The following NSL1 variants were observed in gnomAD, a reference collection of about 807,000 sequenced individuals.
NSL1 encodes NSL1 component of MIS12 kinetochore complex, also known as kinetochore-associated protein NSL1 homolog.
A neutral mutation model predicts 25.4 loss-of-function variants in NSL1; 11 were observed. The observed-to-expected ratio is 0.43, with a 90% CI of 0.27 to 0.72. The LOEUF (loss-of-function observed/expected upper bound fraction) is 0.72, where lower values mean the gene tolerates loss of function less well. NSL1 is among the 30% of genes least tolerant of loss of function. The pLI is 0.19. For synonymous variants in NSL1, 118 were observed against 120.6 expected, an observed-to-expected ratio of 0.98 and a Z score of 0.14; for missense variants, 330 against 342.7, an observed-to-expected ratio of 0.96 and a Z score of 0.29.
At position 212,737,341 on chromosome 1, in the gene NSL1, A is replaced by C. The variant is rs1658269963; in HGVS notation, c.*1067T>G. The C allele has an allele frequency of 2.0e-6, 2 of 984,856 alleles. No homozygotes were observed. The highest frequency in any genetic ancestry group is 2.4e-6 in the Non-Finnish European group (2 of 829,498). The allele number at this position is 984,856 out of a possible 1,614,324, so 61.0% of individuals were successfully genotyped here. On this transcript the variant is annotated 3_prime_UTR_variant, in exon 6 of 6. Transcript: ENST00000366977. ...ACATTTATGATTATTAATACATAATAAGCAAGAGAAATACAGATTTTCCAA... is the reference window on the plus strand; with the variant it reads ...ACATTTATGATTATTAATACATAATCAGCAAGAGAAATACAGATTTTCCAA...
chr1:212,741,233 T>C (rs901052520), intron 4 of NSL1, among the ~76,000 whole-genome samples: 2 of 152,204 alleles, frequency 1.3e-5, no homozygotes, highest in African/African-American at 4.8e-5. Context: ...CATCCTTTGG[T>C]CCTCCTGTGG....
intron 4 of NSL1, among the ~76,000 whole-genome samples, chr1:212,764,402 A>G (rs1319492278): frequency 3.9e-5 from 6 of 152,190 alleles, no homozygotes; most frequent in Non-Finnish European, 8.8e-5. Flanking sequence ...AACCCAGGAG[A>G]AGAAGTAACA....
intron 4 of NSL1, among the ~76,000 whole-genome samples, chr1:212,773,732 A>G (rs7514070): frequency 0.66 from 100,204 of 152,030 alleles, 33,409 homozygotes; most frequent in Non-Finnish European, 0.69. Context: ...GGCAATATCC[A>G]CATCCCCATT....
rs1243447962 is a variant in NSL1, at chr1:212,736,128, C to A, written c.*2280G>T. On this transcript the variant is annotated 3_prime_UTR_variant, in exon 6 of 6. Coordinates refer to ENST00000366977, the MANE Select transcript of NSL1 (RefSeq NM_015471.4). ...TCCTGGCTCACTGCAACTTCTGCCTCCAGGGCTCAAGTGATCCTCTCATTT... is the reference window on the plus strand; with the variant it reads ...TCCTGGCTCACTGCAACTTCTGCCTACAGGGCTCAAGTGATCCTCTCATTT... 1.2e-5 allele frequency: 10 copies of A among 862,872 alleles called. No individual in the cohort carries two copies. The highest frequency in any genetic ancestry group is 1.8e-5 in the African/African-American group (1 of 54,828). The allele number at this position is 862,872 out of a possible 1,614,324, so 53.5% of individuals were successfully genotyped here. A position where few individuals can be genotyped will look rare whatever the true frequency, so the allele number is the denominator to read the frequency against.
rs754168776 is a variant in NSL1 at position 212,782,415 on chromosome 1, G to GTGGT, written c.452_455dup (p.His152GlnfsTer13). On this transcript the variant is annotated frameshift_variant, in exon 4 of 6. Transcript: ENST00000366977. LOFTEE classifies it high-confidence loss of function. ...TTAGGTCCAGTGGATGTACAACAGG[G>GTGGT]TGGTACTGCTTCTAAACATAACATA... is the stretch of plus-strand genomic sequence containing the variant. The GTGGT allele has an allele frequency of 6.2e-7, 1 of 1,608,438 alleles. No homozygotes were observed. The highest frequency in any genetic ancestry group is 8.5e-7 in the Non-Finnish European group (1 of 1,174,888).
Position 212,738,231 on chromosome 1 carries a change from G to T in NSL1, c.*177C>A, listed in dbSNP as rs1309955006. On this transcript the variant is annotated 3_prime_UTR_variant, in exon 6 of 6. Transcript: ENST00000366977. The stretch of plus-strand genomic sequence containing the variant: ...CTTTTTATTTACAATAGATAAAACA[G>T]TAAGGAAATACAATATTATATCATA... The T allele has an allele frequency of 1.1e-5, 15 of 1,359,840 alleles. No individual in the cohort carries two copies. Among genetic ancestry groups the T allele is most frequent in the Non-Finnish European group, 1.3e-5 (14 of 1,058,362 alleles). 84.2% of individuals were successfully genotyped at this position (1,359,840 alleles called of 1,614,324 possible).
chr1:212,791,368 G>C (rs562275084), intron 1 of NSL1, among the ~76,000 whole-genome samples, 162 bp downstream of exon 1: 4 of 152,300 alleles, frequency 2.6e-5, no homozygotes, highest in African/African-American at 9.6e-5. Context: ...GCTGACATTA[G>C]CATCTATTTC....
At chr1:212,786,031 TTTCC>T (rs902195216) in intron 2 of NSL1, among the ~76,000 whole-genome samples, 9 of 152,088 alleles carry the variant, frequency 5.9e-5, no homozygotes, top group African/African-American at 1.9e-4. Flanking sequence ...TTTCTCTTTC[TTTCC>T]TTCCTTCTTT....
intron 4 of NSL1, among the ~76,000 whole-genome samples, chr1:212,770,955 T>C (rs1025174340): frequency 1.3e-5 from 2 of 152,130 alleles, no homozygotes; most frequent in African/African-American, 4.8e-5. Context: ...ACAAATATCA[T>C]ACTATCATCT....
chr1:212,727,663 GAACA>G lies in NSL1; in HGVS notation c.*10741_*10744del, dbSNP rs1296540361. The stretch of plus-strand genomic sequence containing the variant: ...CAGAATTTACTATAATTATAATCCT[GAACA>G]ATCAGGACTGTTAGCTTCCCACGAT... On this transcript the variant is annotated 3_prime_UTR_variant, in exon 6 of 6. Transcript: ENST00000366977. The G allele has an allele frequency of 4.1e-6, 4 of 985,142 alleles. No individual in the cohort carries two copies. Among genetic ancestry groups the G allele is most frequent in the Non-Finnish European group, 4.8e-6 (4 of 829,856 alleles). The allele number at this position is 985,142 out of a possible 1,614,324, so 61.0% of individuals were successfully genotyped here.
intron 3 of NSL1, among the ~76,000 whole-genome samples, chr1:212,783,615 C>A (rs1660815701): frequency 6.6e-6 from 1 of 152,172 alleles, no homozygotes; most frequent in Non-Finnish European, 1.5e-5. Context: ...AATCTAAACA[C>A]AACATGTACC....
intron 3 of NSL1, chr1:212,784,157 AGT>A (rs1164057793): frequency 1.6e-5 from 5 of 307,328 alleles, no homozygotes; most frequent in East Asian, 1.6e-4. Flanking sequence ...TTTTTGAACC[AGT>A]GTGTTCAAAA....
At chr1:212,752,042 A>G (rs973375319) in intron 4 of NSL1, among the ~76,000 whole-genome samples, 125 of 152,326 alleles carry the variant, frequency 8.2e-4, no homozygotes, top group African/African-American at 3.0e-3. Context: ...ACCTCGTGAC[A>G]CCACTACTTA....
chr1:212,743,308 G>A (rs942319342), intron 4 of NSL1, among the ~76,000 whole-genome samples: 5 of 152,008 alleles, frequency 3.3e-5, no homozygotes, highest in Non-Finnish European at 7.4e-5. Context: ...GGGACTACAG[G>A]CATGCACCAC....
In NSL1 at chr1:212,728,504, A is replaced by T. The variant is rs1571851462; in HGVS notation, c.*9904T>A. On this transcript the variant is annotated 3_prime_UTR_variant, in exon 6 of 6. Coordinates refer to ENST00000366977, the MANE Select transcript of NSL1 (RefSeq NM_015471.4). ...GAGTAGATGAATTGTGAGCTCATAT[A>T]GCTGGAACAAATCTGACATTGTTGG... 1.0e-6 allele frequency: 1 copy of T among 985,442 alleles called. No homozygotes were observed. Among genetic ancestry groups the T allele is most frequent in the African/African-American group, 1.7e-5 (1 of 57,364 alleles). 61.0% of individuals were successfully genotyped at this position (985,442 alleles called of 1,614,324 possible). A position where few individuals can be genotyped will look rare whatever the true frequency, so the allele number is the denominator to read the frequency against.
At chr1:212,772,462 C>T (rs1432954468) in intron 4 of NSL1, among the ~76,000 whole-genome samples, 1 of 151,876 alleles carries the variant, frequency 6.6e-6, no homozygotes, top group Non-Finnish European at 1.5e-5. Flanking sequence ...GAGTTCAAGA[C>T]CAGCCTACCT....
Position 212,791,556 on chromosome 1 carries a change from C to G in NSL1, c.208G>C (p.Glu70Gln), listed in dbSNP as rs1371774514. Residue 70 changes from glutamate to glutamine, a missense_variant, in exon 1 of 6, where the codon GAG (glutamate) becomes CAG (glutamine). Glu to Gln is a conservative substitution (Grantham distance 29). Coordinates refer to ENST00000366977, the MANE Select transcript of NSL1 (RefSeq NM_015471.4). ...CACTGCGCATCTCGCAGAGCGGGCT[C>G]CCGAATCTCCTCCGGCAGAGCGTCC... is the stretch of plus-strand genomic sequence containing the variant. ...LGDALPEEIR[E>Q]PALRDAQWTF... 8.1e-6 allele frequency: 13 copies of G among 1,613,644 alleles called. No homozygotes were observed. In the Admixed American group the frequency reaches 2.2e-4, roughly 27 times the overall value.
chr1:212,730,763 A>T lies in NSL1; in HGVS notation c.*7645T>A. On this transcript the variant is annotated 3_prime_UTR_variant, in exon 6 of 6. Transcript: ENST00000366977. ...TCTAGTAGACGTAGTTCTAGTAGACAGGAGACTCTGGAGTCCTAATTCAGG... is the reference window on the plus strand; with the variant it reads ...TCTAGTAGACGTAGTTCTAGTAGACTGGAGACTCTGGAGTCCTAATTCAGG... 1.0e-6 allele frequency: 1 copy of T among 985,460 alleles called. No individual in the cohort carries two copies. The highest frequency in any genetic ancestry group is 1.2e-6 in the Non-Finnish European group (1 of 829,938). The allele number at this position is 985,460 out of a possible 1,614,324, so 61.0% of individuals were successfully genotyped here.
chr1:212,774,578 T>C (rs1168495564), intron 4 of NSL1, among the ~76,000 whole-genome samples: 1 of 152,190 alleles, frequency 6.6e-6, no homozygotes, highest in African/African-American at 2.4e-5. Context: ...AATAAGCACA[T>C]GAAACGATGC....
Sources: gnomAD v4.1 joint callset for allele counts (sites outside exome capture counted in the v4.1 genomes callset) on GRCh38, gnomAD v4.1.1 for gene constraint, MANE v1.5 for transcripts, NCBI Gene and HGNC (gene_info 2026-07-23, HGNC 2026-07-21) for gene names.